The following PLXNA2 variants were observed in gnomAD, a reference collection of about 807,000 sequenced individuals.
The protein encoded by PLXNA2 is plexin-A2.
In PLXNA2, 91 loss-of-function variants were observed where a neutral mutation model predicts 193.5. The observed-to-expected ratio is 0.47, with a 90% CI of 0.40 to 0.56. The LOEUF (loss-of-function observed/expected upper bound fraction) is 0.56, where lower values mean the gene tolerates loss of function less well. Among genes scored for constraint, PLXNA2 ranks in the 20% least tolerant of loss-of-function variants. PLXNA2 has a pLI of 0.00. For missense variants in PLXNA2, 1,995 were observed against 2,503.2 expected, an observed-to-expected ratio of 0.80 and a Z score of 4.33; for synonymous variants, 997 against 1,027.3, an observed-to-expected ratio of 0.97 and a Z score of 0.56.
chr1:208,075,588 C>T (rs1486867483), intron 12 of PLXNA2, among the ~76,000 whole-genome samples: 2 of 152,162 alleles, frequency 1.3e-5, no homozygotes. Context: ...TGTAAATATC[C>T]TATTTCTCAT....
At chr1:208,214,316 A>G (rs1414809850) in intron 2 of PLXNA2, among the ~76,000 whole-genome samples, 23 of 152,204 alleles carry the variant, frequency 1.5e-4, no homozygotes, top group Admixed American at 1.5e-3. Flanking sequence ...TGATCCTCAT[A>G]ATAACCATGA....
At chr1:208,096,630 A>G (rs998388900) in intron 7 of PLXNA2, 100 bp downstream of exon 7, 3 of 1,342,910 alleles carry the variant, frequency 2.2e-6, no homozygotes, top group African/African-American at 2.9e-5. Context: ...CAATATTAGT[A>G]TCTGGTATAA....
intron 4 of PLXNA2, among the ~76,000 whole-genome samples, chr1:208,127,920 A>G (rs1026254998): frequency 6.6e-6 from 1 of 152,112 alleles, no homozygotes; most frequent in Non-Finnish European, 1.5e-5. Context: ...CTCTGTGCCC[A>G]CAGGTTTTTA....
intron 3 of PLXNA2, among the ~76,000 whole-genome samples, chr1:208,187,775 A>T (rs1670054303): frequency 6.6e-6 from 1 of 152,184 alleles, no homozygotes; most frequent in Non-Finnish European, 1.5e-5. Flanking sequence ...TAAAACCTGC[A>T]GGTGTTAGGT....
In PLXNA2 at chr1:208,097,759, C is replaced by T. The variant is rs116584534; in HGVS notation, c.1732-876G>A. Among the ~76,000 whole-genome samples the T allele has an allele frequency of 5.9e-3, 898 of 151,794 alleles. 11 individuals carry two copies. Among genetic ancestry groups the T allele is most frequent in the African/African-American group, 0.02 (809 of 41,366 alleles). On this transcript the variant is annotated intron_variant, in intron 6 of 31. Coordinates refer to ENST00000367033, the MANE Select transcript of PLXNA2 (RefSeq NM_025179.4). Reference sequence around the variant, plus strand: ...GTGGTATTTGAATAGGTAAGAAAGGCGACTGGTTTCCTCTGCCCATGAGGT... The same window carrying T: ...GTGGTATTTGAATAGGTAAGAAAGGTGACTGGTTTCCTCTGCCCATGAGGT...
intron 1 of PLXNA2, among the ~76,000 whole-genome samples, chr1:208,231,240 C>T (rs1671683304): frequency 6.6e-6 from 1 of 151,898 alleles, no homozygotes; most frequent in African/African-American, 2.4e-5. Context: ...GGACCTAGGG[C>T]AGGAGATGAA....
chr1:208,169,312 C>T lies in PLXNA2; in HGVS notation c.1372-26849G>A, dbSNP rs538633067. Among the ~76,000 whole-genome samples, 43 of 152,286 alleles carry T rather than the reference C, an allele frequency of 2.8e-4. No homozygotes were observed. In the South Asian group the frequency reaches 7.7e-3, roughly 27 times the overall value. Reference sequence around the variant, plus strand: ...AAACCGATAAACAAGTGCAGATTAACGGAGTGATGACAAGACACAGGGAGA... The same window carrying T: ...AAACCGATAAACAAGTGCAGATTAATGGAGTGATGACAAGACACAGGGAGA... On this transcript the variant is annotated intron_variant, in intron 3 of 31. Coordinates refer to ENST00000367033, the MANE Select transcript of PLXNA2 (RefSeq NM_025179.4).
intron 1 of PLXNA2, among the ~76,000 whole-genome samples, chr1:208,229,819 T>G (rs1488853053): frequency 6.6e-6 from 1 of 152,158 alleles, no homozygotes; most frequent in Non-Finnish European, 1.5e-5. Flanking sequence ...ATTCACAATA[T>G]AAAGTGATGA....
chr1:208,077,320 CG>C (rs924759963), intron 12 of PLXNA2, among the ~76,000 whole-genome samples: 1 of 152,166 alleles, frequency 6.6e-6, no homozygotes, highest in African/African-American at 2.4e-5. Flanking sequence ...ATAATTACCT[CG>C]GGGGGTTAAT....
intron 4 of PLXNA2, among the ~76,000 whole-genome samples, chr1:208,129,947 C>T (rs1424775344): frequency 2.0e-5 from 3 of 152,188 alleles, no homozygotes; most frequent in African/African-American, 4.8e-5. Flanking sequence ...GCATCTCTGC[C>T]CACCTCTTTC....
chr1:208,217,761 G>A lies in PLXNA2; in HGVS notation c.162C>T (p.Thr54=), dbSNP rs769319130. ...AGACGGCCCCCGTCCCTTGGTGGAC[G>A]GTCAAGTGGTTGAAGGTCCAGTCAC... ...ENRDWTFNHL[T]VHQGTGAVYV... The change falls in exon 2 of 32, where the codon ACC becomes ACT. Residue 54 remains threonine (T), a synonymous_variant. Transcript: ENST00000367033. The surrounding 1 kb of genome is among the most constrained non-coding windows in gnomAD (Gnocchi z 4.7). The A allele has an allele frequency of 7.3e-5, 118 of 1,614,058 alleles. No individual in the cohort carries two copies. The highest frequency in any genetic ancestry group is 9.5e-5 in the Non-Finnish European group (112 of 1,180,038).
chr1:208,027,841 C>T (rs928745469), intron 31 of PLXNA2, among the ~76,000 whole-genome samples, 168 bp downstream of exon 31: 37 of 152,184 alleles, frequency 2.4e-4, no homozygotes, highest in African/African-American at 8.9e-4. Flanking sequence ...TGTATAAAGC[C>T]TTCAGTGAAT....
chr1:208,078,105 G>A (rs562617137), intron 12 of PLXNA2, among the ~76,000 whole-genome samples: 1 of 152,228 alleles, frequency 6.6e-6, no homozygotes, highest in Admixed American at 6.5e-5. Flanking sequence ...ACTTATCAGC[G>A]GTATAAACTT....
intron 1 of PLXNA2, among the ~76,000 whole-genome samples, chr1:208,229,943 G>C (rs1050994911): frequency 6.6e-6 from 1 of 152,188 alleles, no homozygotes; most frequent in Non-Finnish European, 1.5e-5. Context: ...CTTTGGAGAC[G>C]GACCTGGGCT....
intron 3 of PLXNA2, among the ~76,000 whole-genome samples, chr1:208,154,071 C>A (rs1004648433): frequency 6.6e-6 from 1 of 152,266 alleles, no homozygotes; most frequent in African/African-American, 2.4e-5. Context: ...TCTGCTTGTT[C>A]TTCCATGGAC....
intron 3 of PLXNA2, among the ~76,000 whole-genome samples, chr1:208,186,844 C>A (rs534827974): frequency 6.0e-5 from 9 of 151,096 alleles, no homozygotes; most frequent in African/African-American, 2.0e-4. Context: ...CTCAGCCTCC[C>A]GAGTAGCTGG....
chr1:208,089,243 A>G (rs1666632669), intron 9 of PLXNA2, among the ~76,000 whole-genome samples: 1 of 151,986 alleles, frequency 6.6e-6, no homozygotes, highest in Non-Finnish European at 1.5e-5. Context: ...ATCTGTGGAG[A>G]TGGATTTGTG....
intron 3 of PLXNA2, among the ~76,000 whole-genome samples, chr1:208,162,941 T>A (rs1441636625): frequency 6.6e-6 from 1 of 152,096 alleles, no homozygotes; most frequent in Non-Finnish European, 1.5e-5. Flanking sequence ...CTGTAACCAA[T>A]GATAAGAAAT....
Position 208,025,788 on chromosome 1 carries a change from T to G in PLXNA2, c.*1455A>C, listed in dbSNP as rs969684424. 5 of 152,378 alleles carry G rather than the reference T, an allele frequency of 3.3e-5. No homozygotes were observed. The highest frequency in any genetic ancestry group is 1.2e-4 in the African/African-American group (5 of 41,580). 9.4% of individuals were successfully genotyped at this position (152,378 alleles called of 1,614,324 possible). ...CAGGAGAATTGGTTATCCATAGTTT[T>G]AGGCATCATCAGAAGAGACAGAGAA... On this transcript the variant is annotated 3_prime_UTR_variant, in exon 32 of 32. Coordinates refer to ENST00000367033, the MANE Select transcript of PLXNA2 (RefSeq NM_025179.4).
Sources: gnomAD v4.1 joint callset for allele counts (sites outside exome capture counted in the v4.1 genomes callset) on GRCh38, gnomAD v4.1.1 for gene constraint, Gnocchi (gnomAD v3.1) non-coding constraint, MANE v1.5 for transcripts, NCBI Gene and HGNC (gene_info 2026-07-23, HGNC 2026-07-21) for gene names.